The following GBP6 variants were observed in gnomAD, a reference collection of about 807,000 sequenced individuals.
GBP6 encodes the protein guanylate-binding protein 6.
A neutral mutation model predicts 61.5 loss-of-function variants in GBP6; 54 were observed. The ratio of observed to expected loss-of-function variants is 0.88; its 90% CI spans 0.71 to 1.10. The LOEUF is 1.10. Among genes scored for constraint, GBP6 ranks in the 50% least tolerant of loss-of-function variants. The probability of loss-of-function intolerance (pLI) is 0.00; values close to 1 mark genes in which losing one functional copy is unlikely to be tolerated. For synonymous variants in GBP6, 255 were observed against 273.7 expected, an observed-to-expected ratio of 0.93 and a Z score of 0.67; for missense variants, 748 against 752.8, an observed-to-expected ratio of 0.99 and a Z score of 0.07.
In GBP6 at chr1:89,380,348, T is replaced by A. The variant is rs1422139321; in HGVS notation, c.626-38T>A. ...ACCTTTAGCTCCCTTATACCAAGAC[T>A]GTTTTCACTATATTCTCTGTTTTTT... On this transcript the variant is annotated intron_variant, in intron 5 of 10. Coordinates refer to ENST00000370456, the MANE Select transcript of GBP6 (RefSeq NM_198460.3). 3.2e-6 allele frequency: 5 copies of A among 1,574,824 alleles called. No homozygotes were observed. In the South Asian group the frequency reaches 5.6e-5, roughly 18 times the overall value.
At chr1:89,382,935 A>C (rs1570471605) in intron 8 of GBP6, 59 bp downstream of exon 8, 12 of 1,114,488 alleles carry the variant, frequency 1.1e-5, no homozygotes, top group African/African-American at 1.5e-5. Context: ...AGTCTTCAGC[A>C]CCAGCCGTGG....
chr1:89,385,107 TA>T, intron 10 of GBP6, 122 bp from the exon 11 acceptor site: 1 of 856,872 alleles, frequency 1.2e-6, no homozygotes, highest in Non-Finnish European at 1.8e-6. Context: ...AATTCTCCTC[TA>T]ATAACTGAGA....
At position 89,384,367 on chromosome 1, in the gene GBP6, A is replaced by G. The variant is rs963972716; in HGVS notation, c.1662+81A>G. The stretch of plus-strand genomic sequence containing the variant: ...AAGGGCTGGTGAAGGTTACAGCAAC[A>G]TCATGAAAGGAAGCACATCACCATT... On this transcript the variant is annotated intron_variant, in intron 10 of 10. Transcript: ENST00000370456. 1.4e-5 allele frequency: 16 copies of G among 1,103,610 alleles called. No individual in the cohort carries two copies. In the African/African-American group the frequency reaches 2.4e-4, roughly 16 times the overall value. 68.4% of individuals were successfully genotyped at this position (1,103,610 alleles called of 1,614,324 possible).
In GBP6 at chr1:89,382,752, C is replaced by G. The variant is rs1195288432; in HGVS notation, c.1241C>G (p.Ser414Ter). The change falls in exon 8 of 11, where the codon TCA becomes TGA. Residue 414 changes from serine (S) to a stop codon, truncating the protein, a stop_gained. Coordinates refer to ENST00000370456, the MANE Select transcript of GBP6 (RefSeq NM_198460.3). LOFTEE classifies it high-confidence loss of function. ...QYCQAKLNELSKGLMESISAG... is the reference protein window; with the variant it reads ...QYCQAKLNEL ...TGCCAGGCTAAACTCAATGAGCTCT[C>G]AAAGGGACTAATGGAAAGTATCTCA... 1.2e-6 allele frequency: 2 copies of G among 1,613,846 alleles called. No homozygotes were observed. The highest frequency in any genetic ancestry group is 1.7e-6 in the Non-Finnish European group (2 of 1,179,862).
intron 6 of GBP6, among the ~76,000 whole-genome samples, 200 bp from the exon 7 acceptor site, chr1:89,381,494 T>G (rs1243489260): frequency 6.6e-6 from 1 of 152,076 alleles, no homozygotes; most frequent in East Asian, 1.9e-4. Context: ...TTTAGCACTG[T>G]GGACTGGAGA....
intron 6 of GBP6, among the ~76,000 whole-genome samples, chr1:89,381,135 A>T (rs1375769981): frequency 6.6e-6 from 1 of 151,796 alleles, no homozygotes; most frequent in Non-Finnish European, 1.5e-5. Flanking sequence ...AAATACAAAA[A>T]CTAGCTAGTC....
rs776047169 is a variant in GBP6 at position 89,368,540 on chromosome 1, T to C, written c.-12T>C. On this transcript the variant is annotated 5_prime_UTR_variant, in exon 2 of 11. Transcript: ENST00000370456. ...ATTTCTACTGGGAGGCTCTTCTAGGTTGGCAGTTGCCATGGAATCTGGACC... is the reference window on the plus strand; with the variant it reads ...ATTTCTACTGGGAGGCTCTTCTAGGCTGGCAGTTGCCATGGAATCTGGACC... The C allele has an allele frequency of 3.7e-6, 6 of 1,611,622 alleles. No individual in the cohort carries two copies. The Admixed American group carries it at 1.0e-4, about 27-fold the overall frequency.
At chr1:89,381,130 C>T (rs1307364972) in intron 6 of GBP6, among the ~76,000 whole-genome samples, 2 of 151,738 alleles carry the variant, frequency 1.3e-5, no homozygotes, top group East Asian at 1.9e-4. Flanking sequence ...ACAAAAAATA[C>T]AAAAACTAGC....
Position 89,378,611 on chromosome 1 carries a change from A to G in GBP6, c.623A>G (p.Gln208Arg), listed in dbSNP as rs1356227495. 1 of 1,610,130 alleles carries G rather than the reference A, an allele frequency of 6.2e-7. No individual in the cohort carries two copies. Among genetic ancestry groups the G allele is most frequent in the South Asian group, 1.1e-5 (1 of 90,878 alleles). ...EYLENALKLI[Q>R]GNNPRVQTSN... ...CTGGAGAATGCCTTGAAGCTGATTC[A>G]AGGTATCAGAATGTGGCCTGGGCTG... is the stretch of plus-strand genomic sequence containing the variant. Residue 208 changes from glutamine (Q) to arginine (R), a missense_variant and splice_region_variant, in exon 5 of 11, where the codon CAA becomes CGA. Physicochemically the swap from Gln to Arg is conservative, Grantham distance 43. Coordinates refer to ENST00000370456, the MANE Select transcript of GBP6 (RefSeq NM_198460.3).
intron 2 of GBP6, among the ~76,000 whole-genome samples, chr1:89,369,316 T>G (rs74321696): frequency 0.079 from 12,057 of 152,316 alleles, 513 homozygotes; most frequent in Middle Eastern, 0.11. Flanking sequence ...GTCTGATTCA[T>G]AGATTTCTCT....
rs993927460 is a variant in GBP6, at chr1:89,387,390, T to C, written c.*1921T>C. ...ATTATAGTCTTGGCACACATGAACT[T>C]ATTGCAATATAGTATTTGTTTGAAA... is the stretch of plus-strand genomic sequence containing the variant. On this transcript the variant is annotated 3_prime_UTR_variant, in exon 11 of 11. Coordinates refer to ENST00000370456, the MANE Select transcript of GBP6 (RefSeq NM_198460.3). 5.9e-5 allele frequency among the ~76,000 whole-genome samples: 9 copies of C among 152,192 alleles called. No homozygotes were observed. Among genetic ancestry groups the C allele is most frequent in the African/African-American group, 2.2e-4 (9 of 41,442 alleles).
chr1:89,385,501 A>T lies in GBP6; in HGVS notation c.*32A>T. On this transcript the variant is annotated 3_prime_UTR_variant, in exon 11 of 11. Coordinates refer to ENST00000370456, the MANE Select transcript of GBP6 (RefSeq NM_198460.3). ...TATAGATTGTACATATATGCTTTGG[A>T]CTATTTTTGATCTGTATGTTTTTCA... is the stretch of plus-strand genomic sequence containing the variant. The T allele has an allele frequency of 6.3e-7, 1 of 1,579,534 alleles. No homozygotes were observed. The highest frequency in any genetic ancestry group is 8.6e-7 in the Non-Finnish European group (1 of 1,164,438).
At chr1:89,375,612 T>C (rs889373654) in intron 3 of GBP6, among the ~76,000 whole-genome samples, 4 of 151,990 alleles carry the variant, frequency 2.6e-5, no homozygotes, top group Non-Finnish European at 5.9e-5. Flanking sequence ...GATTTTTTTT[T>C]GCTATTGAGT....
chr1:89,378,465 G>A lies in GBP6; in HGVS notation c.477G>A (p.Arg159=), dbSNP rs116171495. 6.2e-7 allele frequency: 1 copy of A among 1,614,014 alleles called. No individual in the cohort carries two copies. The highest frequency in any genetic ancestry group is 8.5e-7 in the Non-Finnish European group (1 of 1,180,014). Residue 159 remains arginine (R), a synonymous_variant, in exon 5 of 11, where the codon AGG becomes AGA. Coordinates refer to ENST00000370456, the MANE Select transcript of GBP6 (RefSeq NM_198460.3). ...TELIKAKSSP[R]PDGVEDSTEF... is the part of the protein sequence containing the mutation. ...TAATTAAGGCAAAGTCCTCCCCAAG[G>A]CCTGATGGAGTAGAAGATTCCACAG...
In GBP6 at chr1:89,377,510, A is replaced by G. The variant is rs1652840449; in HGVS notation, c.319-593A>G. ...GACTTGTAATTTTTAATTTAACATT[A>G]TAGCTATGGGTTCCACTTCTTATGT... On this transcript the variant is annotated intron_variant, in intron 3 of 10. Transcript: ENST00000370456. Among the ~76,000 whole-genome samples, 4 of 152,202 alleles carry G rather than the reference A, an allele frequency of 2.6e-5. No individual in the cohort carries two copies. The South Asian group carries it at 6.2e-4, about 24-fold the overall frequency.
chr1:89,378,506 T>C lies in GBP6; in HGVS notation c.518T>C (p.Phe173Ser). 1 of 1,614,120 alleles carries C rather than the reference T, an allele frequency of 6.2e-7. No individual in the cohort carries two copies. Among genetic ancestry groups the C allele is most frequent in the South Asian group, 1.1e-5 (1 of 91,076 alleles). The change falls in exon 5 of 11, where the codon TTC becomes TCC. Residue 173 changes from phenylalanine (F) to serine (S), a missense_variant. Phe to Ser is a radical substitution (Grantham distance 155). Transcript: ENST00000370456. ...VEDSTEFVSF[F>S]PDFLWTVRDF... ...GATTCCACAGAGTTTGTGAGTTTCT[T>C]CCCAGACTTTCTTTGGACAGTACGG... is the stretch of plus-strand genomic sequence containing the variant.
At chr1:89,378,332 G>C (rs1652864325) in intron 4 of GBP6, 85 bp from the exon 5 acceptor site, 18 of 1,533,118 alleles carry the variant, frequency 1.2e-5, no homozygotes, top group Non-Finnish European at 1.6e-5. Context: ...GGGAACCCAA[G>C]ACAAAAGAGA....
chr1:89,383,414 G>A (rs536914917), intron 8 of GBP6, among the ~76,000 whole-genome samples: 8 of 152,180 alleles, frequency 5.3e-5, no homozygotes, highest in East Asian at 3.9e-4. Context: ...CTGCCTGGCC[G>A]GAACCCAAAA....
chr1:89,366,832 C>T (rs958027917), intron 1 of GBP6, among the ~76,000 whole-genome samples: 50 of 152,266 alleles, frequency 3.3e-4, no homozygotes, highest in African/African-American at 1.1e-3. Flanking sequence ...TGCATTCCCT[C>T]CTCCCCCAGC....
Sources: allele counts gnomAD v4.1 joint callset (sites outside exome capture counted in the v4.1 genomes callset), GRCh38; gene constraint gnomAD v4.1.1; transcripts MANE v1.5; gene names NCBI Gene and HGNC (gene_info 2026-07-23, HGNC 2026-07-21).